Variants in BCAS1 observed in about 807,000 individuals in gnomAD.
BCAS1 encodes the protein brain enriched myelin associated protein 1.
Under a neutral mutation model 65.4 loss-of-function variants are expected in BCAS1, and 46 were observed. The ratio of observed to expected loss-of-function variants is 0.70; its 90% CI spans 0.55 to 0.90. The LOEUF (loss-of-function observed/expected upper bound fraction) is 0.90, where lower values mean the gene tolerates loss of function less well. BCAS1 is among the 40% of genes least tolerant of loss of function. BCAS1 has a pLI of 0.00. For missense variants in BCAS1, 793 were observed against 771.2 expected (o/e 1.03, Z -0.33); for synonymous variants, 298 against 293.5 (o/e 1.02, Z -0.16).
chr20:54,022,849 C>T (rs1451540313), intron 4 of BCAS1, among the ~76,000 whole-genome samples: 4 of 152,212 alleles, frequency 2.6e-5, no homozygotes, highest in African/African-American at 9.6e-5. Flanking sequence ...ACCTAGGTCA[C>T]CCAGGCTCCT....
rs747871782 is a variant in BCAS1 at position 53,952,616 on chromosome 20, G to A, written c.1815+816C>T. Among the ~76,000 whole-genome samples, 9 of 152,094 alleles carry A rather than the reference G, an allele frequency of 5.9e-5. No homozygotes were observed. In the South Asian group the frequency reaches 1.0e-3, roughly 18 times the overall value. On this transcript the variant is annotated intron_variant, in intron 12 of 12. Coordinates refer to ENST00000688948, the MANE Select transcript of BCAS1 (RefSeq NM_001366298.2). ...GTAAACAAACCAAAACCTACCTTATGAGTATCCTTTTTTTTGTAACAAATA... is the reference window on the plus strand; with the variant it reads ...GTAAACAAACCAAAACCTACCTTATAAGTATCCTTTTTTTTGTAACAAATA...
intron 4 of BCAS1, among the ~76,000 whole-genome samples, chr20:54,006,559 A>T (rs2091197140): frequency 6.6e-6 from 1 of 151,970 alleles, no homozygotes; most frequent in African/African-American, 2.4e-5. Flanking sequence ...AAAATACAAA[A>T]ATTAGCTAGG....
At position 53,994,110 on chromosome 20, in the gene BCAS1, G is replaced by T. The variant is rs372660481; in HGVS notation, c.927+902C>A. On this transcript the variant is annotated intron_variant, in intron 6 of 12. Coordinates refer to ENST00000688948, the MANE Select transcript of BCAS1 (RefSeq NM_001366298.2). ...GCAGGTCTTTTGAGACAAAATCTAG[G>T]ATCCTCTTTTCACAGCCAGCTCCTT... Among the ~76,000 whole-genome samples the T allele has an allele frequency of 2.0e-5, 3 of 152,272 alleles. No individual in the cohort carries two copies. In the South Asian group the frequency reaches 6.2e-4, roughly 32 times the overall value.
chr20:54,063,632 G>A (rs2092401989), intron 1 of BCAS1, among the ~76,000 whole-genome samples: 1 of 152,170 alleles, frequency 6.6e-6, no homozygotes, highest in South Asian at 2.1e-4. Context: ...TTTTCCAGGA[G>A]TGAGGATGCT....
chr20:54,048,240 G>C (rs934831291), intron 3 of BCAS1, among the ~76,000 whole-genome samples: 4 of 152,126 alleles, frequency 2.6e-5, no homozygotes, highest in Admixed American at 2.6e-4. Context: ...GCCAGAGTGA[G>C]GATATGAACT....
At chr20:54,056,925 A>G (rs1197409609) in intron 3 of BCAS1, among the ~76,000 whole-genome samples, 1 of 152,212 alleles carries the variant, frequency 6.6e-6, no homozygotes, top group Non-Finnish European at 1.5e-5. Context: ...AAGTACTGTC[A>G]TTATTCCCAC....
intron 9 of BCAS1, among the ~76,000 whole-genome samples, 169 bp downstream of exon 9, chr20:53,975,220 A>G (rs961666514): frequency 1.3e-5 from 2 of 152,142 alleles, no homozygotes; most frequent in Admixed American, 1.3e-4. Context: ...AATTCATCCA[A>G]TGTTATCCTC....
intron 9 of BCAS1, among the ~76,000 whole-genome samples, chr20:53,971,362 AGCC>A (rs1439431863): frequency 3.9e-5 from 6 of 152,244 alleles, no homozygotes; most frequent in Non-Finnish European, 5.9e-5. Flanking sequence ...CACATGGGTT[AGCC>A]AAAGCCAACT....
At chr20:54,043,784 G>T (rs758264242) in intron 3 of BCAS1, among the ~76,000 whole-genome samples, 1 of 152,182 alleles carries the variant, frequency 6.6e-6, no homozygotes, top group East Asian at 1.9e-4. Flanking sequence ...CGGTACCCAG[G>T]TGATGTGATG....
chr20:54,004,951 G>A (rs1469691439), intron 4 of BCAS1, among the ~76,000 whole-genome samples: 1 of 152,202 alleles, frequency 6.6e-6, no homozygotes, highest in East Asian at 1.9e-4. Context: ...GGGAGTAAAT[G>A]GGATAATCCA....
At chr20:54,067,954 C>T (rs1336158478) in intron 1 of BCAS1, among the ~76,000 whole-genome samples, 1 of 152,262 alleles carries the variant, frequency 6.6e-6, no homozygotes, top group Non-Finnish European at 1.5e-5. Context: ...TCAGTAAAGA[C>T]CTTGCAGGAG....
chr20:54,043,229 C>T (rs767747547), intron 3 of BCAS1, among the ~76,000 whole-genome samples: 1 of 152,154 alleles, frequency 6.6e-6, no homozygotes, highest in Non-Finnish European at 1.5e-5. Context: ...GGAGAGCCCA[C>T]AAATCTGCAA....
At chr20:53,957,280 G>T in intron 11 of BCAS1, 152 bp downstream of exon 11, 1 of 686,824 alleles carries the variant, frequency 1.5e-6, no homozygotes. Context: ...TGTGTCTGCA[G>T]ACCCCAACAT....
At chr20:53,966,412 T>C (rs1240867949) in intron 10 of BCAS1, among the ~76,000 whole-genome samples, 2 of 152,172 alleles carry the variant, frequency 1.3e-5, no homozygotes, top group African/African-American at 4.8e-5. Context: ...TCACTCATAA[T>C]TGGGGGCTAA....
At chr20:54,002,622 T>A (rs2091083863) in intron 4 of BCAS1, among the ~76,000 whole-genome samples, 2 of 152,076 alleles carry the variant, frequency 1.3e-5, no homozygotes. Flanking sequence ...AATTAATAAG[T>A]GTATTTGAAA....
At chr20:53,971,787 A>G (rs566875778) in intron 9 of BCAS1, among the ~76,000 whole-genome samples, 5 of 152,362 alleles carry the variant, frequency 3.3e-5, no homozygotes, top group Non-Finnish European at 7.3e-5. Context: ...TAAGAGAGAT[A>G]AACAACAGAA....
chr20:54,063,847 C>T (rs1055318478), intron 1 of BCAS1, among the ~76,000 whole-genome samples: 4 of 152,172 alleles, frequency 2.6e-5, no homozygotes, highest in East Asian at 1.9e-4. Context: ...TCATGATAAA[C>T]GTACAATTGA....
At chr20:53,996,175 G>A (rs1040150370) in intron 4 of BCAS1, 125 bp from the exon 5 acceptor site, 13 of 951,024 alleles carry the variant, frequency 1.4e-5, no homozygotes, top group Middle Eastern at 4.6e-4. Context: ...GCCCACAGGC[G>A]TGCAGAACAA....
chr20:53,976,727 C>T (rs1446526961), intron 8 of BCAS1, among the ~76,000 whole-genome samples: 1 of 152,162 alleles, frequency 6.6e-6, no homozygotes, highest in Non-Finnish European at 1.5e-5. Context: ...TTTCGGCAAT[C>T]GTGTGAATTC....
Sources: gnomAD v4.1 joint callset for allele counts (sites outside exome capture counted in the v4.1 genomes callset) on GRCh38, gnomAD v4.1.1 for gene constraint, MANE v1.5 for transcripts, NCBI Gene and HGNC (gene_info 2026-07-23, HGNC 2026-07-21) for gene names.